Variants in JMJD1C observed in about 807,000 individuals in gnomAD.
JMJD1C encodes jumonji domain containing 1C.
JMJD1C carries 31 observed loss-of-function variants against 245.3 expected under a neutral mutation model. That is an observed-to-expected ratio of 0.13 (90% CI 0.09 to 0.17). JMJD1C has a LOEUF of 0.17. JMJD1C is among the 10% of genes least tolerant of loss of function. JMJD1C has a pLI of 1.00. For missense variants in JMJD1C, 2,691 were observed against 3,000.2 expected (o/e 0.90, Z 2.41); for synonymous variants, 1,057 against 1,017.4 (o/e 1.04, Z -0.74).
At chr10:63,257,131 G>GGA (rs959954790) in intron 3 of JMJD1C, among the ~76,000 whole-genome samples, 1 of 150,966 alleles carries the variant, frequency 6.6e-6, no homozygotes, top group Non-Finnish European at 1.5e-5. Context: ...CAGCTACTGA[G>GGA]GAGGCTGATG....
chr10:63,351,308 G>C (rs939670301), intron 2 of JMJD1C, among the ~76,000 whole-genome samples: 20 of 151,538 alleles, frequency 1.3e-4, no homozygotes, highest in African/African-American at 4.9e-4. Context: ...GGCTGGTCTT[G>C]AACTCCTGAC....
At chr10:63,389,291 G>A (rs1589648280) in intron 1 of JMJD1C, among the ~76,000 whole-genome samples, 1 of 114,752 alleles carries the variant, frequency 8.7e-6, no homozygotes, top group African/African-American at 3.3e-5. Flanking sequence ...CAGCCTGGGT[G>A]ACAAAGTGAG....
chr10:63,311,444 T>C (rs1341324830), intron 2 of JMJD1C, among the ~76,000 whole-genome samples: 3 of 151,990 alleles, frequency 2.0e-5, no homozygotes, highest in Non-Finnish European at 2.9e-5. Flanking sequence ...TCTGTACTAA[T>C]CCTCACGTGT....
intron 1 of JMJD1C, among the ~76,000 whole-genome samples, chr10:63,514,967 T>C (rs983687968): frequency 6.6e-6 from 1 of 151,978 alleles, no homozygotes; most frequent in African/African-American, 2.4e-5. Context: ...TTTTAAAGCC[T>C]ACAGTAAACA....
At chr10:63,464,457 T>C (rs1953038717) in intron 1 of JMJD1C, among the ~76,000 whole-genome samples, 1 of 152,096 alleles carries the variant, frequency 6.6e-6, no homozygotes, top group South Asian at 2.1e-4. Flanking sequence ...ATTTCCTAAA[T>C]TTGAAGTTTT....
intron 1 of JMJD1C, among the ~76,000 whole-genome samples, chr10:63,489,850 G>A (rs750900556): frequency 3.8e-4 from 58 of 152,224 alleles, no homozygotes; most frequent in Admixed American, 1.8e-3. Context: ...CCCATCCCCC[G>A]GACCATGGAC....
At chr10:63,422,364 G>A (rs927030558) in intron 1 of JMJD1C, among the ~76,000 whole-genome samples, 3 of 152,034 alleles carry the variant, frequency 2.0e-5, no homozygotes, top group African/African-American at 7.2e-5. Context: ...TGAGCCAACT[G>A]CACTCCAGCC....
At chr10:63,267,881 C>T (rs181771244) in intron 2 of JMJD1C, among the ~76,000 whole-genome samples, 551 of 152,138 alleles carry the variant, frequency 3.6e-3, no homozygotes, top group Non-Finnish European at 5.9e-3. Context: ...ACAACTGTAT[C>T]CTGTTTGGGG....
At chr10:63,494,706 A>C (rs1954298508) in intron 1 of JMJD1C, among the ~76,000 whole-genome samples, 1 of 152,252 alleles carries the variant, frequency 6.6e-6, no homozygotes, top group African/African-American at 2.4e-5. Context: ...ACATAGTAAT[A>C]TTCCTTGCAG....
At chr10:63,409,871 G>A (rs1949384085) in intron 1 of JMJD1C, among the ~76,000 whole-genome samples, 2 of 152,176 alleles carry the variant, frequency 1.3e-5, no homozygotes, top group Non-Finnish European at 2.9e-5. Context: ...ACTTGAAAGA[G>A]TGTGTTGCAT....
At chr10:63,428,973 G>C (rs1462201263) in intron 1 of JMJD1C, among the ~76,000 whole-genome samples, 1 of 152,070 alleles carries the variant, frequency 6.6e-6, no homozygotes, top group African/African-American at 2.4e-5. Context: ...CTTATTGACA[G>C]GTCTTTCTTT....
At chr10:63,488,817 G>A (rs1289778110) in intron 1 of JMJD1C, among the ~76,000 whole-genome samples, 1 of 152,168 alleles carries the variant, frequency 6.6e-6, no homozygotes, top group Non-Finnish European at 1.5e-5. Context: ...GGAGCTTGAG[G>A]GTGCTGGTAA....
chr10:63,176,492 T>C lies in JMJD1C; in HGVS notation c.7225-19A>G, dbSNP rs1021580810. 5.7e-6 allele frequency: 9 copies of C among 1,579,482 alleles called. No individual in the cohort carries two copies. In the East Asian group the frequency reaches 6.7e-5, roughly 12 times the overall value. On this transcript the variant is annotated intron_variant, in intron 23 of 25. Coordinates refer to ENST00000399262, the MANE Select transcript of JMJD1C (RefSeq NM_032776.3). ...TTGAAATCTGAAATATGAATTAAAA[T>C]AGACACTCCAATTTAAGTAAGGAAA...
At chr10:63,444,143 T>C (rs1292696029) in intron 1 of JMJD1C, among the ~76,000 whole-genome samples, 1 of 152,252 alleles carries the variant, frequency 6.6e-6, no homozygotes, top group Non-Finnish European at 1.5e-5. Context: ...TGAGGAGTTT[T>C]CTGATTTCAT....
chr10:63,216,167 T>C (rs771931410), intron 5 of JMJD1C, among the ~76,000 whole-genome samples: 1 of 152,200 alleles, frequency 6.6e-6, no homozygotes, highest in African/African-American at 2.4e-5. Context: ...AGGTAAAAGT[T>C]TGTCACTGTT....
chr10:63,299,452 A>C (rs756407290), intron 2 of JMJD1C, among the ~76,000 whole-genome samples: 10 of 150,260 alleles, frequency 6.7e-5, no homozygotes, highest in Non-Finnish European at 1.3e-4. Context: ...TCAGCCTCCC[A>C]AAGTGTTGGG....
chr10:63,380,463 T>C lies in JMJD1C; in HGVS notation c.188A>G (p.Asp63Gly), dbSNP rs760454016. ...CCACTCTCGTTTATCCCATTCAAGA[T>C]CATCAAATTCCACATACACCTATGA... ...PDLAVYVEFD[D>G]LEWDKREWVK... is the part of the protein sequence containing the mutation. The change falls in exon 2 of 26, where the codon GAT becomes GGT. Residue 63 changes from aspartate (D) to glycine (G), a missense_variant. Physicochemically the swap from Asp to Gly is moderately conservative, Grantham distance 94. Transcript: ENST00000399262. 2 of 1,612,724 alleles carry C rather than the reference T, an allele frequency of 1.2e-6. No homozygotes were observed. Among genetic ancestry groups the C allele is most frequent in the Non-Finnish European group, 1.7e-6 (2 of 1,179,528 alleles).
intron 2 of JMJD1C, among the ~76,000 whole-genome samples, chr10:63,342,051 GAA>G (rs974159053): frequency 2.6e-5 from 4 of 152,162 alleles, no homozygotes; most frequent in Admixed American, 6.6e-5. Flanking sequence ...TGTCAAGTGA[GAA>G]AAAAGTTTCC....
rs574627993 is a variant in JMJD1C, at chr10:63,189,827, C to T, written c.6292-381G>A. Among the ~76,000 whole-genome samples the T allele has an allele frequency of 1.1e-4, 16 of 152,158 alleles. 1 individual carries two copies. The South Asian group carries it at 2.9e-3, about 28-fold the overall frequency. ...CTGGGCTCAAGCAATCCTCCCACCT[C>T]AGCCTCCCAAAGTGCTAGGATTACA... On this transcript the variant is annotated intron_variant, in intron 17 of 25. Transcript: ENST00000399262.
Sources: allele counts gnomAD v4.1 joint callset (sites outside exome capture counted in the v4.1 genomes callset), GRCh38; gene constraint gnomAD v4.1.1; transcripts MANE v1.5; gene names NCBI Gene and HGNC (gene_info 2026-07-23, HGNC 2026-07-21).